PLCB3: variants seen among roughly 807,000 people sequenced by gnomAD.
PLCB3 encodes 1-phosphatidylinositol 4,5-bisphosphate phosphodiesterase beta-3.
In PLCB3, 54 loss-of-function variants were observed where a neutral mutation model predicts 152.1. The ratio of observed to expected loss-of-function variants is 0.36; its 90% CI spans 0.29 to 0.45. The LOEUF is 0.45. PLCB3 is among the 20% of genes least tolerant of loss of function. The pLI, the probability that PLCB3 is intolerant of heterozygous loss-of-function variation, is 1.00. For synonymous variants in PLCB3, 717 were observed against 698.7 expected, an observed-to-expected ratio of 1.03 and a Z score of -0.41; for missense variants, 1,248 against 1,687.5, an observed-to-expected ratio of 0.74 and a Z score of 4.56.
intron 14 of PLCB3, 46 bp downstream of exon 14, chr11:64,260,280 C>A: frequency 7.2e-7 from 1 of 1,390,038 alleles, no homozygotes; most frequent in Non-Finnish European, 9.9e-7. Flanking sequence ...CATCTATTTA[C>A]CTCCCAGGGG....
Position 64,254,799 on chromosome 11 carries a change from T to A in PLCB3, c.229T>A (p.Tyr77Asn), listed in dbSNP as rs764499162. 6 of 1,613,496 alleles carry A rather than the reference T, an allele frequency of 3.7e-6. No individual in the cohort carries two copies. In the South Asian group the frequency reaches 6.6e-5, roughly 18 times the overall value. The change falls in exon 3 of 31, where the codon TAC (tyrosine) becomes AAC (asparagine). Residue 77 changes from tyrosine (Y) to asparagine (N), a missense_variant. Tyr to Asn is a moderately radical substitution (Grantham distance 143, BLOSUM62 -2). Transcript: ENST00000279230. ...SSIRDTRTGRYARLPKDPKIR... is the reference protein window; with the variant it reads ...SSIRDTRTGRNARLPKDPKIR... ...CATCAGGGACACACGGACAGGCCGGTACGCCCGCCTGCCCAAGGTGAGTGA... is the reference window on the plus strand; with the variant it reads ...CATCAGGGACACACGGACAGGCCGGAACGCCCGCCTGCCCAAGGTGAGTGA...
rs747742492 is a variant in PLCB3 at position 64,258,552 on chromosome 11, C to T, written c.1092C>T (p.Asp364=). ...GGGGCTGCCGCTGCGTGGAGCTGGA[C>T]GTGTGGAAGGGACGGCCGCCTGAGG... ...LLWGCRCVEL[D]VWKGRPPEEE... The change falls in exon 11 of 31, where the codon GAC becomes GAT. Residue 364 remains aspartate (D), a synonymous_variant. Coordinates refer to ENST00000279230, the MANE Select transcript of PLCB3 (RefSeq NM_000932.5). The surrounding 1 kb of genome is among the most constrained non-coding windows in gnomAD (Gnocchi z 7.2). 47 of 1,613,848 alleles carry T rather than the reference C, an allele frequency of 2.9e-5. No homozygotes were observed. The highest frequency in any genetic ancestry group is 1.6e-4 in the Middle Eastern group (1 of 6,084).
intron 8 of PLCB3, 68 bp from the exon 9 acceptor site, chr11:64,256,308 C>T: frequency 6.8e-7 from 1 of 1,481,154 alleles, no homozygotes; most frequent in Non-Finnish European, 9.2e-7. Flanking sequence ...TTGCCCAGGG[C>T]AAGGGCTTGG....
intron 1 of PLCB3, 147 bp downstream of exon 1, chr11:64,251,895 G>T: frequency 6.7e-6 from 3 of 445,492 alleles, no homozygotes; most frequent in Non-Finnish European, 1.2e-5. Context: ...TTAAGTCCCC[G>T]ATCGTCTCCG....
downstream of PLCB3, chr11:64,268,985 G>T (rs2032287283): frequency 6.6e-6 from 1 of 152,426 alleles, no homozygotes; most frequent in Non-Finnish European, 1.5e-5. Context: ...CTATCCCCCA[G>T]TTCTGCTCAC....
At position 64,258,520 on chromosome 11, in the gene PLCB3, C is replaced by T; in HGVS notation, c.1060C>T (p.Leu354=). 1 of 1,613,808 alleles carries T rather than the reference C, an allele frequency of 6.2e-7. No individual in the cohort carries two copies. Among genetic ancestry groups the T allele is most frequent in the South Asian group, 1.1e-5 (1 of 91,082 alleles). The stretch of plus-strand genomic sequence containing the variant: ...GTCGGTGGAGATGTACCGCCAGGCA[C>T]TACTATGGGGCTGCCGCTGCGTGGA... The part of the protein sequence containing the change: ...TSSVEMYRQA[L]LWGCRCVELD... The change falls in exon 11 of 31, where the codon CTA becomes TTA. Residue 354 remains leucine, a synonymous_variant. Transcript: ENST00000279230. The surrounding 1 kb of genome is among the most constrained non-coding windows in gnomAD (Gnocchi z 7.2).
chr11:64,262,554 G>C lies in PLCB3; in HGVS notation c.2186G>C (p.Arg729Pro). The change falls in exon 18 of 31, where the codon CGG becomes CCG. Residue 729 changes from arginine (R) to proline (P), a missense_variant. Physicochemically the swap from Arg to Pro is moderately radical, Grantham distance 103. This residue lies in a region of PLCB3 where 244 missense variants were observed against 424.4 expected (regional missense o/e 0.57). Transcript: ENST00000279230. Reference sequence around the variant, plus strand: ...GATGGCATCGTGGCCAATGCCTTGCGGGTCAAGGTGGGGCTTGCGGGCGGC... The same window carrying C: ...GATGGCATCGTGGCCAATGCCTTGCCGGTCAAGGTGGGGCTTGCGGGCGGC... ...IVDGIVANAL[R>P]VKVISGQFLS... 6.2e-7 allele frequency: 1 copy of C among 1,613,440 alleles called. No homozygotes were observed. Among genetic ancestry groups the C allele is most frequent in the Non-Finnish European group, 8.5e-7 (1 of 1,179,644 alleles).
chr11:64,261,838 G>A, intron 16 of PLCB3, 114 bp from the exon 17 acceptor site: 1 of 1,525,432 alleles, frequency 6.6e-7, no homozygotes, highest in Non-Finnish European at 9.0e-7. Context: ...GGCATGGCTA[G>A]GCTAAGAAAC....
At chr11:64,259,473 C>T (rs1333222799) in intron 13 of PLCB3, among the ~76,000 whole-genome samples, 1 of 152,182 alleles carries the variant, frequency 6.6e-6, no homozygotes, top group African/African-American at 2.4e-5. Context: ...GACTCCCAAC[C>T]TCAGCCTCTC....
Position 64,267,132 on chromosome 11 carries a change from G to A in PLCB3, c.3415-53G>A, listed in dbSNP as rs2032162997. The A allele has an allele frequency of 6.7e-7, 1 of 1,500,996 alleles. No individual in the cohort carries two copies. 93.0% of individuals were successfully genotyped at this position (1,500,996 alleles called of 1,614,324 possible). ...TTCTATACCCAGCCAGAGCCTCGAG[G>A]CTCTAGCCCCTCCCTCAGGGCCCCT... is the stretch of plus-strand genomic sequence containing the variant. On this transcript the variant is annotated intron_variant, in intron 29 of 30. Transcript: ENST00000279230. This position sits in a 1 kb window ranked among gnomAD's most constrained non-coding sequence, Gnocchi z 5.2.
rs2031509622 is a variant in PLCB3, at chr11:64,255,972, A to G, written c.698+151A>G. The G allele has an allele frequency of 1.5e-6, 1 of 651,486 alleles. No homozygotes were observed. Among genetic ancestry groups the G allele is most frequent in the Non-Finnish European group, 2.7e-6 (1 of 365,116 alleles). The allele number at this position is 651,486 out of a possible 1,614,324, so 40.4% of individuals were successfully genotyped here. A position where few individuals can be genotyped will look rare whatever the true frequency, so the allele number is the denominator to read the frequency against. ...GGTGCCCAGGGAGAACCTGTCGGTG[A>G]TGTTCCTGTACTCAGACCCGCCGTT... On this transcript the variant is annotated intron_variant, in intron 8 of 30. Coordinates refer to ENST00000279230, the MANE Select transcript of PLCB3 (RefSeq NM_000932.5). This position sits in a 1 kb window ranked among gnomAD's most constrained non-coding sequence, Gnocchi z 6.8.
At chr11:64,259,732 G>A (rs1456566662) in intron 13 of PLCB3, among the ~76,000 whole-genome samples, 2 of 151,928 alleles carry the variant, frequency 1.3e-5, no homozygotes, top group Admixed American at 1.3e-4. Context: ...CCCTTACCCC[G>A]CTATTAGGGC....
Position 64,256,403 on chromosome 11 carries a change from G to T in PLCB3, c.726G>T (p.Thr242=). ...EIGAKGKPYL[T]LEQLMDFINQ... Reference sequence around the variant, plus strand: ...GCGCCAAGGGCAAGCCATACCTGACGCTGGAGCAGCTCATGGACTTCATCA... The same window carrying T: ...GCGCCAAGGGCAAGCCATACCTGACTCTGGAGCAGCTCATGGACTTCATCA... Residue 242 remains threonine, a synonymous_variant, in exon 9 of 31, where the codon ACG becomes ACT. Transcript: ENST00000279230. The T allele has an allele frequency of 1.2e-6, 2 of 1,613,648 alleles. No homozygotes were observed. Among genetic ancestry groups the T allele is most frequent in the Non-Finnish European group, 1.7e-6 (2 of 1,180,000 alleles).
At position 64,259,264 on chromosome 11, in the gene PLCB3, G is replaced by A. The variant is rs1038970409; in HGVS notation, c.1525+20G>A. On this transcript the variant is annotated intron_variant, in intron 13 of 30. Transcript: ENST00000279230. Reference sequence around the variant, plus strand: ...AGCTGGGTAGGCCCCAGCCCGGCCCGCCACCCTGACTTGACCCTAGCCTCT... The same window carrying A: ...AGCTGGGTAGGCCCCAGCCCGGCCCACCACCCTGACTTGACCCTAGCCTCT... 1.1e-5 allele frequency: 16 copies of A among 1,485,784 alleles called. No individual in the cohort carries two copies. The highest frequency in any genetic ancestry group is 2.5e-5 in the East Asian group (1 of 40,480). 92.0% of individuals were successfully genotyped at this position (1,485,784 alleles called of 1,614,324 possible).
Position 64,267,527 on chromosome 11 carries a change from G to A in PLCB3, c.3676G>A (p.Glu1226Lys), listed in dbSNP as rs538389088. 6.6e-5 allele frequency: 104 copies of A among 1,566,132 alleles called. 1 individual carries two copies. The South Asian group carries it at 1.1e-3, about 17-fold the overall frequency. ...SSGHLSGADS[E>K]SQEENTQL ...CGGGCACCTGTCGGGCGCTGACTCGGAGAGCCAGGAGGAGAACACGCAGCT... is the reference window on the plus strand; with the variant it reads ...CGGGCACCTGTCGGGCGCTGACTCGAAGAGCCAGGAGGAGAACACGCAGCT... The change falls in exon 31 of 31, where the codon GAG becomes AAG. Residue 1226 changes from glutamate to lysine, a missense_variant. Physicochemically the swap from Glu to Lys is moderately conservative, Grantham distance 56. This residue lies in a region of PLCB3 where 477 missense variants were observed against 489.6 expected (regional missense o/e 0.97). Transcript: ENST00000279230. The surrounding 1 kb of genome is among the most constrained non-coding windows in gnomAD (Gnocchi z 5.2).
Position 64,258,511 on chromosome 11 carries a change from C to A in PLCB3, c.1051C>A (p.Arg351Ser), listed in dbSNP as rs748890795. 6.2e-7 allele frequency: 1 copy of A among 1,613,660 alleles called. No individual in the cohort carries two copies. The highest frequency in any genetic ancestry group is 8.5e-7 in the Non-Finnish European group (1 of 1,179,914). The change falls in exon 11 of 31, where the codon CGC becomes AGC. Residue 351 changes from arginine (R) to serine (S), a missense_variant. By Grantham distance (110) the Arg-to-Ser change is moderately radical. Around this residue, in one of 6 missense-constraint regions of PLCB3, gnomAD observed 122 missense variants for 221.8 expected, o/e 0.55. Transcript: ENST00000279230. This position sits in a 1 kb window ranked among gnomAD's most constrained non-coding sequence, Gnocchi z 7.2. Reference protein sequence around the residue: ...LAGTSSVEMYRQALLWGCRCV... With the variant: ...LAGTSSVEMYSQALLWGCRCV... ...TGGGACCTCGTCGGTGGAGATGTAC[C>A]GCCAGGCACTACTATGGGGCTGCCG...
chr11:64,264,582 G>A (rs1006667682), intron 22 of PLCB3, among the ~76,000 whole-genome samples: 2 of 151,750 alleles, frequency 1.3e-5, no homozygotes, highest in Non-Finnish European at 2.9e-5. Flanking sequence ...TGAGTCCTCT[G>A]TTGATTTAAT....
intron 1 of PLCB3, among the ~76,000 whole-genome samples, chr11:64,253,504 G>A (rs962551383): frequency 4.6e-5 from 7 of 152,336 alleles, no homozygotes; most frequent in Middle Eastern, 3.4e-3. Context: ...CAGACACTGA[G>A]ATGCATTTTG....
intron 16 of PLCB3, 21 bp downstream of exon 16, chr11:64,261,686 G>A: frequency 6.2e-7 from 1 of 1,606,714 alleles, no homozygotes; most frequent in Non-Finnish European, 8.5e-7. Flanking sequence ...AAGGTGCTGT[G>A]GGCGGGCAGG....
Sources: allele counts gnomAD v4.1 joint callset (sites outside exome capture counted in the v4.1 genomes callset), GRCh38; gene constraint gnomAD v4.1.1; regional missense constraint gnomAD v4.1.1; non-coding constraint Gnocchi (gnomAD v3.1); transcripts MANE v1.5; gene names NCBI Gene and HGNC (gene_info 2026-07-23, HGNC 2026-07-21).